Variants in ZFAND3 observed in about 807,000 individuals in gnomAD.
The protein encoded by ZFAND3 is zinc finger AN1-type containing 3.
A neutral mutation model predicts 29.6 loss-of-function variants in ZFAND3; 10 were observed. That is an observed-to-expected ratio of 0.34 (90% CI 0.21 to 0.57). ZFAND3 has a LOEUF of 0.57. Ranked by LOEUF, ZFAND3 falls within the 20% of genes least tolerant of loss-of-function variation. The pLI is 0.86. For synonymous variants in ZFAND3, 128 were observed against 112.6 expected, an observed-to-expected ratio of 1.14 and a Z score of -0.87; for missense variants, 230 against 304.5, an observed-to-expected ratio of 0.76 and a Z score of 1.82.
chr6:37,859,121 T>C (rs2127382796), intron 1 of ZFAND3, among the ~76,000 whole-genome samples: 1 of 152,372 alleles, frequency 6.6e-6, no homozygotes, highest in African/African-American at 2.4e-5. Context: ...CAAGTTAGCA[T>C]TTTGGCTCCA....
At chr6:38,015,046 A>T (rs1763230382) in intron 2 of ZFAND3, among the ~76,000 whole-genome samples, 1 of 152,188 alleles carries the variant, frequency 6.6e-6, no homozygotes, top group Non-Finnish European at 1.5e-5. Flanking sequence ...GTAACCTTAT[A>T]CTTTATTTAA....
chr6:37,993,467 C>T (rs1161134016), intron 2 of ZFAND3, among the ~76,000 whole-genome samples: 1 of 152,146 alleles, frequency 6.6e-6, no homozygotes, highest in Admixed American at 6.5e-5. Context: ...GCTAAGATTA[C>T]AGGCGCGTGC....
chr6:38,089,228 T>C (rs980571794), intron 4 of ZFAND3, among the ~76,000 whole-genome samples: 1 of 152,080 alleles, frequency 6.6e-6, no homozygotes, highest in Non-Finnish European at 1.5e-5. Context: ...GTTCAAGTTA[T>C]TCTCCTGCCT....
At chr6:37,924,451 A>G (rs1438268617) in intron 1 of ZFAND3, among the ~76,000 whole-genome samples, 1 of 151,924 alleles carries the variant, frequency 6.6e-6, no homozygotes, top group Non-Finnish European at 1.5e-5. Context: ...CTTACATTCT[A>G]GTGGTGAAAG....
chr6:38,013,638 C>G (rs905068538), intron 2 of ZFAND3, among the ~76,000 whole-genome samples: 1 of 151,990 alleles, frequency 6.6e-6, no homozygotes, highest in Non-Finnish European at 1.5e-5. Context: ...GCACATTTTC[C>G]TAGAACCAGT....
chr6:37,876,233 C>A (rs1397272149), intron 1 of ZFAND3, among the ~76,000 whole-genome samples: 1 of 152,126 alleles, frequency 6.6e-6, no homozygotes, highest in Admixed American at 6.6e-5. Context: ...AATTTCTGTT[C>A]CAAGTTTTGT....
intron 2 of ZFAND3, among the ~76,000 whole-genome samples, chr6:37,941,238 G>A (rs1189069183): frequency 6.6e-6 from 1 of 152,228 alleles, no homozygotes; most frequent in Non-Finnish European, 1.5e-5. Flanking sequence ...TAGGATGAAA[G>A]TAGTAGACTT....
At chr6:38,131,853 A>C (rs1765748500) in intron 5 of ZFAND3, among the ~76,000 whole-genome samples, 2 of 152,218 alleles carry the variant, frequency 1.3e-5, no homozygotes, top group African/African-American at 4.8e-5. Context: ...GATTAGGGGA[A>C]AGCCCTTTTG....
chr6:37,966,814 C>G lies in ZFAND3; in HGVS notation c.112+36815C>G, dbSNP rs115966482. On this transcript the variant is annotated intron_variant, in intron 2 of 5. Coordinates refer to ENST00000287218, the MANE Select transcript of ZFAND3 (RefSeq NM_021943.3). The stretch of plus-strand genomic sequence containing the variant: ...ATAATATCTTTTATAGCACACGTCC[C>G]CATAATGCCCCTTTATTTCCTTCTG... 1.6e-3 allele frequency among the ~76,000 whole-genome samples: 251 copies of G among 152,224 alleles called. 1 individual carries two copies. The highest frequency in any genetic ancestry group is 5.7e-3 in the African/African-American group (235 of 41,534).
chr6:37,948,201 C>T (rs889944832), intron 2 of ZFAND3, among the ~76,000 whole-genome samples: 2 of 152,176 alleles, frequency 1.3e-5, no homozygotes, highest in Non-Finnish European at 2.9e-5. Context: ...AGTGAAATAT[C>T]TGAATACAAT....
intron 2 of ZFAND3, among the ~76,000 whole-genome samples, chr6:37,965,744 A>G (rs76866402): frequency 1.5e-3 from 235 of 152,282 alleles, no homozygotes; most frequent in African/African-American, 5.3e-3. Flanking sequence ...AAGTGAAGCA[A>G]TCACTGGCAG....
At chr6:38,027,674 GC>G (rs1354768980) in intron 2 of ZFAND3, among the ~76,000 whole-genome samples, 2 of 152,192 alleles carry the variant, frequency 1.3e-5, no homozygotes, top group Non-Finnish European at 2.9e-5. Context: ...ATGGCTGGCT[GC>G]CTCGGTAGGT....
chr6:38,103,376 T>C (rs1163501396), intron 4 of ZFAND3, among the ~76,000 whole-genome samples: 7 of 146,422 alleles, frequency 4.8e-5, no homozygotes, highest in African/African-American at 1.0e-4. Context: ...ATACACACAA[T>C]ATATATATAC....
intron 2 of ZFAND3, among the ~76,000 whole-genome samples, chr6:37,964,957 A>G (rs1762264288): frequency 6.6e-6 from 1 of 152,212 alleles, no homozygotes; most frequent in Non-Finnish European, 1.5e-5. Context: ...AGTAGCAGGC[A>G]TGTAGTAAGT....
At chr6:37,881,129 T>TGGTGCAATCTATACTTACTGCAGGTG (rs1358424237) in intron 1 of ZFAND3, among the ~76,000 whole-genome samples, 3 of 152,178 alleles carry the variant, frequency 2.0e-5, no homozygotes, top group Non-Finnish European at 4.4e-5. Context: ...TGGAGTGCAG[T>TGGTGCAATCTATACTTACTGCAGGTG]GGTGCAATCT....
At chr6:38,002,495 A>G (rs1336513433) in intron 2 of ZFAND3, among the ~76,000 whole-genome samples, 2 of 151,910 alleles carry the variant, frequency 1.3e-5, no homozygotes, top group Non-Finnish European at 2.9e-5. Flanking sequence ...GCTAGGCAAT[A>G]TGGTGAAATC....
chr6:37,940,982 C>G (rs973865001), intron 2 of ZFAND3, among the ~76,000 whole-genome samples: 13 of 152,212 alleles, frequency 8.5e-5, no homozygotes, highest in Admixed American at 3.3e-4. Flanking sequence ...GCAGTAAAAT[C>G]CTGAAATGAA....
At chr6:37,978,059 A>G (rs1191507320) in intron 2 of ZFAND3, among the ~76,000 whole-genome samples, 1 of 151,662 alleles carries the variant, frequency 6.6e-6, no homozygotes, top group Admixed American at 6.6e-5. Context: ...CAGCCTCCTC[A>G]GTAGCTGGGA....
chr6:37,833,958 G>A (rs72849359), intron 1 of ZFAND3, among the ~76,000 whole-genome samples: 9,946 of 151,490 alleles, frequency 0.066, 396 homozygotes, highest in Non-Finnish European at 0.094. Context: ...CCCTACTATC[G>A]ACATCTCACA....
Sources: gnomAD v4.1 joint callset for allele counts (sites outside exome capture counted in the v4.1 genomes callset) on GRCh38, gnomAD v4.1.1 for gene constraint, MANE v1.5 for transcripts, NCBI Gene and HGNC (gene_info 2026-07-23, HGNC 2026-07-21) for gene names.